TRPM3: variants seen among roughly 807,000 people sequenced by gnomAD.
TRPM3 encodes long transient receptor potential channel 3.
Under a neutral mutation model 181.2 loss-of-function variants are expected in TRPM3, and 77 were observed. The ratio of observed to expected loss-of-function variants is 0.42; its 90% CI spans 0.35 to 0.51. The LOEUF (loss-of-function observed/expected upper bound fraction) is 0.51. Among genes scored for constraint, TRPM3 ranks in the 20% least tolerant of loss-of-function variants. The pLI, the probability that TRPM3 is intolerant of heterozygous loss-of-function variation, is 0.01. For synonymous variants in TRPM3, 745 were observed against 796.4 expected (o/e 0.94, Z 1.09); for missense variants, 1,759 against 2,196.7 (o/e 0.80, Z 3.98).
intron 1 of TRPM3, chr9:70,916,927 C>T (rs932780483): frequency 1.8e-6 from 2 of 1,087,148 alleles, no homozygotes; most frequent in African/African-American, 1.6e-5. Flanking sequence ...TCTTTAGATA[C>T]TGATGGTGGC....
intron 1 of TRPM3, among the ~76,000 whole-genome samples, chr9:71,165,480 A>T (rs752497353): frequency 3.3e-5 from 5 of 152,104 alleles, no homozygotes; most frequent in Non-Finnish European, 5.9e-5. Context: ...TTCTAACAGC[A>T]TGTTGAGTGG....
At chr9:71,208,229 CACCTT>C (rs2079246346) in intron 1 of TRPM3, among the ~76,000 whole-genome samples, 2 of 152,160 alleles carry the variant, frequency 1.3e-5, no homozygotes. Flanking sequence ...AATTGACACT[CACCTT>C]AGCTGGAACT....
chr9:71,292,528 C>T (rs994378344), intron 1 of TRPM3, among the ~76,000 whole-genome samples: 2 of 151,694 alleles, frequency 1.3e-5, no homozygotes, highest in African/African-American at 4.8e-5. Context: ...AAAGAACATT[C>T]TTAGAAATGT....
intron 1 of TRPM3, among the ~76,000 whole-genome samples, chr9:71,134,422 T>C (rs1013707412): frequency 6.6e-6 from 1 of 151,608 alleles, no homozygotes; most frequent in South Asian, 2.1e-4. Flanking sequence ...TGTGATGGTG[T>C]GCACCTGTAG....
At chr9:71,289,704 C>A (rs2085619088) in intron 1 of TRPM3, among the ~76,000 whole-genome samples, 1 of 151,624 alleles carries the variant, frequency 6.6e-6, no homozygotes, top group Admixed American at 6.6e-5. Flanking sequence ...GTCGTCTCTA[C>A]TAAAAATACA....
intron 5 of TRPM3, among the ~76,000 whole-genome samples, chr9:70,841,162 A>G (rs10121666): frequency 1.6e-3 from 245 of 152,276 alleles, no homozygotes; most frequent in African/African-American, 5.6e-3. Flanking sequence ...TTAAAAGCCA[A>G]TTTGGAATCT....
intron 1 of TRPM3, among the ~76,000 whole-genome samples, chr9:71,162,032 T>C (rs559509686): frequency 3.2e-3 from 482 of 151,522 alleles, no homozygotes; most frequent in African/African-American, 0.011. Flanking sequence ...TGAAACCCCG[T>C]CTCTACTAAA....
At position 71,379,026 on chromosome 9, in the gene TRPM3, C is replaced by G. The variant is rs977434393; in HGVS notation, c.183+67627G>C. On this transcript the variant is annotated intron_variant, in intron 1 of 24. Transcript: ENST00000357533. ...GTACACATTTTTAAGTAATAAAAAC[C>G]AGTATTGTCTCCATTTTAGGTGTAA... Among the ~76,000 whole-genome samples, 6 of 151,944 alleles carry G rather than the reference C, an allele frequency of 3.9e-5. No homozygotes were observed. The East Asian group carries it at 1.2e-3, about 29-fold the overall frequency.
intron 1 of TRPM3, among the ~76,000 whole-genome samples, chr9:71,277,958 G>A (rs755906148): frequency 3.3e-5 from 5 of 152,272 alleles, no homozygotes; most frequent in Admixed American, 6.5e-5. Flanking sequence ...AAGGAAAGGC[G>A]ACTAATTATA....
chr9:71,353,094 C>T (rs1299507478), intron 1 of TRPM3, among the ~76,000 whole-genome samples: 1 of 152,082 alleles, frequency 6.6e-6, no homozygotes, highest in Non-Finnish European at 1.5e-5. Context: ...AGATTCTTAC[C>T]ACCTGCTCTC....
chr9:70,538,360 G>A (rs750203403), intron 25 of TRPM3, among the ~76,000 whole-genome samples: 12 of 152,116 alleles, frequency 7.9e-5, no homozygotes, highest in Non-Finnish European at 1.5e-4. Context: ...CAAACTCCTG[G>A]GCTCAAGTGA....
Position 71,303,018 on chromosome 9 carries a change from A to G in TRPM3, c.183+143635T>C, listed in dbSNP as rs1005401360. Among the ~76,000 whole-genome samples the G allele has an allele frequency of 2.6e-5, 4 of 152,150 alleles. No individual in the cohort carries two copies. The South Asian group carries it at 6.2e-4, about 24-fold the overall frequency. On this transcript the variant is annotated intron_variant, in intron 1 of 24. Coordinates refer to the TRPM3 transcript ENST00000357533. ...TAAGGCCACTTCAGACTCTAGGGAC[A>G]CTAGCACTGGGCGCTCACCAATGCT...
intron 1 of TRPM3, among the ~76,000 whole-genome samples, chr9:70,971,313 G>A (rs1046046344): frequency 9.2e-5 from 14 of 152,116 alleles, no homozygotes; most frequent in Middle Eastern, 6.8e-3. Flanking sequence ...TCAGCCACTC[G>A]CAGCATATTG....
intron 1 of TRPM3, among the ~76,000 whole-genome samples, chr9:70,897,175 A>C (rs1365935521): frequency 7.3e-6 from 1 of 136,398 alleles, no homozygotes; most frequent in African/African-American, 2.8e-5. Flanking sequence ...CTGCTACAGA[A>C]GACTAGAACT....
intron 9 of TRPM3, among the ~76,000 whole-genome samples, chr9:70,644,669 A>G (rs2058550568): frequency 6.6e-6 from 1 of 152,196 alleles, no homozygotes; most frequent in Non-Finnish European, 1.5e-5. Context: ...GCCCTCTCTC[A>G]CCACTCCTAT....
intron 8 of TRPM3, among the ~76,000 whole-genome samples, chr9:70,686,819 C>A (rs1158432477): frequency 1.2e-5 from 1 of 80,440 alleles, no homozygotes; most frequent in African/African-American, 4.9e-5. Context: ...CTTTTCTTTT[C>A]TTTTTCTTTT....
At chr9:70,771,548 T>C (rs1053753417) in intron 7 of TRPM3, among the ~76,000 whole-genome samples, 2 of 152,280 alleles carry the variant, frequency 1.3e-5, no homozygotes, top group South Asian at 4.2e-4. Context: ...AAGGCTCTGA[T>C]ACATATCAAA....
chr9:71,198,798 T>C (rs1328922269), intron 1 of TRPM3, among the ~76,000 whole-genome samples: 2 of 145,090 alleles, frequency 1.4e-5, no homozygotes, highest in African/African-American at 5.1e-5. Flanking sequence ...TTTCTAGATA[T>C]ACAATCATGT....
At chr9:70,740,228 T>C (rs961058202) in intron 8 of TRPM3, among the ~76,000 whole-genome samples, 6 of 151,988 alleles carry the variant, frequency 3.9e-5, no homozygotes, top group African/African-American at 7.2e-5. Context: ...ACAATGGCTG[T>C]CAAAAAAATA....
Sources: allele counts gnomAD v4.1 joint callset (sites outside exome capture counted in the v4.1 genomes callset), GRCh38; gene constraint gnomAD v4.1.1; transcripts MANE v1.5; gene names NCBI Gene and HGNC (gene_info 2026-07-23, HGNC 2026-07-21).